The following PAK5 variants were observed in gnomAD, a reference collection of about 807,000 sequenced individuals.
PAK5 encodes serine/threonine-protein kinase PAK 5.
Under a neutral mutation model 65.9 loss-of-function variants are expected in PAK5, and 16 were observed. The ratio of observed to expected loss-of-function variants is 0.24; its 90% CI spans 0.16 to 0.37. The LOEUF (loss-of-function observed/expected upper bound fraction) is 0.37, where lower values mean the gene tolerates loss of function less well. PAK5 is among the 10% of genes least tolerant of loss of function. PAK5 has a pLI of 1.00. For missense variants in PAK5, 785 were observed against 903.9 expected (o/e 0.87, Z 1.69); for synonymous variants, 371 against 354.9 (o/e 1.05, Z -0.51).
chr20:9,820,954 G>C (rs897472970), intron 1 of PAK5, among the ~76,000 whole-genome samples: 1 of 152,164 alleles, frequency 6.6e-6, no homozygotes, highest in African/African-American at 2.4e-5. Flanking sequence ...CTCCAGCCCT[G>C]ATAGCTCTCC....
At chr20:9,593,741 G>A (rs965188844) in intron 3 of PAK5, among the ~76,000 whole-genome samples, 4 of 151,956 alleles carry the variant, frequency 2.6e-5, no homozygotes, top group South Asian at 4.2e-4. Flanking sequence ...CTTTCATTTA[G>A]ATAAGCTATA....
intron 1 of PAK5, among the ~76,000 whole-genome samples, chr20:9,815,863 C>A (rs866071177): frequency 2.6e-5 from 4 of 152,146 alleles, no homozygotes; most frequent in African/African-American, 4.8e-5. Context: ...CTCAAACCAA[C>A]CAGCCCCTTC....
At chr20:9,774,078 G>T (rs1321025611) in intron 1 of PAK5, among the ~76,000 whole-genome samples, 1 of 152,168 alleles carries the variant, frequency 6.6e-6, no homozygotes, top group African/African-American at 2.4e-5. Flanking sequence ...CGCTTACTAT[G>T]GTAAATGCTT....
At chr20:9,553,195 T>C (rs1208595022) in intron 7 of PAK5, among the ~76,000 whole-genome samples, 1 of 152,128 alleles carries the variant, frequency 6.6e-6, no homozygotes, top group Non-Finnish European at 1.5e-5. Flanking sequence ...AATGAACTCA[T>C]TGTGTGTGTA....
At chr20:9,571,200 T>C (rs188466447) in intron 4 of PAK5, among the ~76,000 whole-genome samples, 1 of 152,314 alleles carries the variant, frequency 6.6e-6, no homozygotes, top group East Asian at 1.9e-4. Flanking sequence ...AGAGGACAAA[T>C]AGCTGACTCT....
At chr20:9,573,681 G>A (rs2045833075) in intron 4 of PAK5, among the ~76,000 whole-genome samples, 2 of 152,170 alleles carry the variant, frequency 1.3e-5, no homozygotes, top group Admixed American at 1.3e-4. Context: ...AGTACTGCAG[G>A]AGCATCTATT....
chr20:9,712,835 A>G (rs62194593), intron 1 of PAK5, among the ~76,000 whole-genome samples: 61,335 of 151,964 alleles, frequency 0.4, 12,958 homozygotes, highest in South Asian at 0.53. Context: ...ATGAAATTAA[A>G]CCCTTCTCTC....
At chr20:9,825,471 A>G (rs1282761147) in intron 1 of PAK5, among the ~76,000 whole-genome samples, 1 of 152,120 alleles carries the variant, frequency 6.6e-6, no homozygotes, top group Admixed American at 6.5e-5. Context: ...TGAAAGTTTT[A>G]TATTTTCCAG....
intron 1 of PAK5, among the ~76,000 whole-genome samples, chr20:9,821,967 C>A (rs769700603): frequency 6.6e-6 from 1 of 152,112 alleles, no homozygotes; most frequent in Non-Finnish European, 1.5e-5. Flanking sequence ...ATGGAAGATA[C>A]AGCTTATCAA....
chr20:9,713,539 T>C (rs1033685283), intron 1 of PAK5, among the ~76,000 whole-genome samples: 6 of 152,026 alleles, frequency 3.9e-5, no homozygotes, highest in African/African-American at 1.4e-4. Flanking sequence ...AGGAAATCAA[T>C]GTATTGAATA....
intron 2 of PAK5, among the ~76,000 whole-genome samples, chr20:9,708,239 G>A (rs1170183435): frequency 6.6e-6 from 1 of 152,110 alleles, no homozygotes; most frequent in Non-Finnish European, 1.5e-5. Context: ...GGACCCTTTT[G>A]GAGGCAGACA....
At chr20:9,558,007 C>CATTTATTT (rs59495767) in intron 6 of PAK5, among the ~76,000 whole-genome samples, 3,335 of 140,654 alleles carry the variant, frequency 0.024, 61 homozygotes, top group Non-Finnish European at 0.031. Flanking sequence ...TCCAGGAACT[C>CATTTATTT]ATTTATTTAT....
At chr20:9,670,866 G>A (rs1391717686) in intron 2 of PAK5, among the ~76,000 whole-genome samples, 3 of 152,128 alleles carry the variant, frequency 2.0e-5, no homozygotes, top group African/African-American at 7.2e-5. Flanking sequence ...TGTCCTGAAT[G>A]GTATTGCCTA....
chr20:9,753,518 T>G (rs1282252808), intron 1 of PAK5, among the ~76,000 whole-genome samples: 1 of 152,074 alleles, frequency 6.6e-6, no homozygotes, highest in East Asian at 1.9e-4. Flanking sequence ...CAGAGGAGTA[T>G]TTTTTTCTTA....
intron 1 of PAK5, among the ~76,000 whole-genome samples, chr20:9,755,482 C>A (rs566482365): frequency 6.6e-6 from 1 of 152,140 alleles, no homozygotes; most frequent in African/African-American, 2.4e-5. Context: ...CAGTCTTTGA[C>A]CTGCCCTGCT....
intron 1 of PAK5, among the ~76,000 whole-genome samples, chr20:9,779,853 C>T (rs2048923503): frequency 6.6e-6 from 1 of 151,942 alleles, no homozygotes; most frequent in Non-Finnish European, 1.5e-5. Flanking sequence ...ATAATTGTTA[C>T]AATCATATGC....
chr20:9,819,924 T>C (rs1255437885), intron 1 of PAK5, among the ~76,000 whole-genome samples: 10 of 152,236 alleles, frequency 6.6e-5, no homozygotes, highest in Non-Finnish European at 7.4e-5. Context: ...AGGGGGGCTG[T>C]CCATGTTGCC....
chr20:9,837,210 T>C (rs1979220345), intron 1 of PAK5, among the ~76,000 whole-genome samples: 1 of 152,238 alleles, frequency 6.6e-6, no homozygotes, highest in South Asian at 2.1e-4. Flanking sequence ...TGCTTCCATT[T>C]AGCAGTGCAT....
intron 2 of PAK5, among the ~76,000 whole-genome samples, chr20:9,645,048 G>A (rs2047115693): frequency 1.3e-5 from 2 of 152,140 alleles, no homozygotes; most frequent in Non-Finnish European, 2.9e-5. Context: ...GATCAAACAA[G>A]TAAATATTTA....
Sources: allele counts gnomAD v4.1 joint callset (sites outside exome capture counted in the v4.1 genomes callset), GRCh38; gene constraint gnomAD v4.1.1; transcripts MANE v1.5; gene names NCBI Gene and HGNC (gene_info 2026-07-23, HGNC 2026-07-21).